Variants in LY6K observed in about 807,000 individuals in gnomAD.
LY6K encodes lymphocyte antigen 6 family member K.
In LY6K, 9 loss-of-function variants were observed where a neutral mutation model predicts 10.4. The observed-to-expected ratio is 0.87, with a 90% CI of 0.52 to 1.52. The LOEUF (loss-of-function observed/expected upper bound fraction) is 1.52, where lower values mean the gene tolerates loss of function less well. Among genes scored for constraint, LY6K ranks in the 40% most tolerant of loss-of-function variants. The pLI, the probability that LY6K is intolerant of heterozygous loss-of-function variation, is 0.00. For synonymous variants in LY6K, 98 were observed against 83.7 expected (o/e 1.17, Z -0.94); for missense variants, 217 against 211.7 (o/e 1.02, Z -0.15).
chr8:142,700,212 G>T lies in LY6K; in HGVS notation c.-316G>T. The T allele has an allele frequency of 3.0e-6, 2 of 667,842 alleles. No homozygotes were observed. The highest frequency in any genetic ancestry group is 4.0e-6 in the Non-Finnish European group (2 of 501,488). 41.4% of individuals were successfully genotyped at this position (667,842 alleles called of 1,614,324 possible). Reference sequence around the variant, plus strand: ...TGGGGTCCTCAAGGAGACGGCCCTTGGGCTCAGGGGCTGCGTTTCCACACG... The same window carrying T: ...TGGGGTCCTCAAGGAGACGGCCCTTTGGCTCAGGGGCTGCGTTTCCACACG... On this transcript the variant is annotated 5_prime_UTR_variant, in exon 1 of 3. Transcript: ENST00000292430.
Position 142,700,573 on chromosome 8 carries a change from TG to T in LY6K, c.48del (p.Trp16Ter). 6.3e-7 allele frequency: 1 copy of T among 1,585,750 alleles called. No homozygotes were observed. Among genetic ancestry groups the T allele is most frequent in the Middle Eastern group, 1.7e-4 (1 of 5,990 alleles). On this transcript the variant is annotated frameshift_variant, in exon 1 of 3. Transcript: ENST00000292430. LOFTEE classifies it high-confidence loss of function. ...LLLVVALPRV[W>X]TDANLTARQR... is the part of the protein sequence containing the mutation. ...GCTGGTCGTGGCCCTACCGCGGGTG[TG>T]GACAGACGCCAACCTGACTGCGAGA...
rs1815140438 is a variant in LY6K, at chr8:142,704,078, G to T, written c.*707G>T. ...CAGGGTAAATGGCGTTCATTTCTCTGTTAAGATGCAGCCATCCATGGGGAG... is the reference window on the plus strand; with the variant it reads ...CAGGGTAAATGGCGTTCATTTCTCTTTTAAGATGCAGCCATCCATGGGGAG... On this transcript the variant is annotated 3_prime_UTR_variant, in exon 3 of 3. Coordinates refer to ENST00000292430, the MANE Select transcript of LY6K (RefSeq NM_017527.4). 1 of 152,206 alleles carries T rather than the reference G, an allele frequency of 6.6e-6. No homozygotes were observed. Among genetic ancestry groups the T allele is most frequent in the Non-Finnish European group, 1.5e-5 (1 of 68,034 alleles). The allele number at this position is 152,206 out of a possible 1,614,324, so 9.4% of individuals were successfully genotyped here.
chr8:142,702,450 T>C, intron 2 of LY6K: 2 of 1,527,040 alleles, frequency 1.3e-6, no homozygotes, highest in Non-Finnish European at 1.8e-6. Context: ...TCTGGGTACA[T>C]GAAGCCCTCC....
At position 142,705,033 on chromosome 8, in the gene LY6K, G is replaced by C. The variant is rs1463528508; in HGVS notation, c.*1662G>C. Reference sequence around the variant, plus strand: ...AATTAGGGCACAAACAAGATGAATTGTTTCCTCACAGACTGATGTGGCTGG... The same window carrying C: ...AATTAGGGCACAAACAAGATGAATTCTTTCCTCACAGACTGATGTGGCTGG... On this transcript the variant is annotated 3_prime_UTR_variant, in exon 3 of 3. Transcript: ENST00000292430. The C allele has an allele frequency of 8.5e-5, 13 of 152,222 alleles. No individual in the cohort carries two copies. The highest frequency in any genetic ancestry group is 3.1e-4 in the African/African-American group (13 of 41,450). 9.4% of individuals were successfully genotyped at this position (152,222 alleles called of 1,614,324 possible). A position where few individuals can be genotyped will look rare whatever the true frequency, so the allele number is the denominator to read the frequency against.
chr8:142,701,304 G>A (rs1815022359), intron 1 of LY6K, among the ~76,000 whole-genome samples: 3 of 152,210 alleles, frequency 2.0e-5, no homozygotes, highest in Admixed American at 1.3e-4. Flanking sequence ...AAGAGAGGTG[G>A]AATTGGCTCA....
In LY6K at chr8:142,700,262, C is replaced by T; in HGVS notation, c.-266C>T. ...GCGCCTTTCCCAGGGCTCCCGCGCCCGTTCCTGCCTGGCCGCCGGCCGCTC... is the reference window on the plus strand; with the variant it reads ...GCGCCTTTCCCAGGGCTCCCGCGCCTGTTCCTGCCTGGCCGCCGGCCGCTC... On this transcript the variant is annotated 5_prime_UTR_variant, in exon 1 of 3. Coordinates refer to ENST00000292430, the MANE Select transcript of LY6K (RefSeq NM_017527.4). 10 of 1,129,348 alleles carry T rather than the reference C, an allele frequency of 8.9e-6. No individual in the cohort carries two copies. The highest frequency in any genetic ancestry group is 3.5e-4 in the Middle Eastern group (1 of 2,832). The allele number at this position is 1,129,348 out of a possible 1,614,324, so 70.0% of individuals were successfully genotyped here.
chr8:142,703,299 G>A lies in LY6K; in HGVS notation c.426G>A (p.Glu142=). ...AAGAATATGCTGGGAGCATGGGTGA[G>A]AGCTGTGGTGGGCTGTGGCTGGCCA... The part of the protein sequence containing the change: ...VFKEYAGSMG[E]SCGGLWLAIL... The change falls in exon 3 of 3, where the codon GAG becomes GAA. Residue 142 remains glutamate (E), a synonymous_variant. Transcript: ENST00000292430. The A allele has an allele frequency of 6.2e-7, 1 of 1,613,870 alleles. No homozygotes were observed. Among genetic ancestry groups the A allele is most frequent in the Non-Finnish European group, 8.5e-7 (1 of 1,180,034 alleles).
At chr8:142,702,659 G>A (rs1040722728) in intron 2 of LY6K, 6 of 1,521,248 alleles carry the variant, frequency 3.9e-6, no homozygotes, top group Admixed American at 3.9e-5. Context: ...GTACAGTGAT[G>A]TATAAGATGA....
Position 142,701,646 on chromosome 8 carries a change from C to G in LY6K, c.150C>G (p.Asn50Lys). 1 of 1,614,006 alleles carries G rather than the reference C, an allele frequency of 6.2e-7. No homozygotes were observed. The highest frequency in any genetic ancestry group is 2.2e-5 in the East Asian group (1 of 44,870). The change falls in exon 2 of 3, where the codon AAC (asparagine) becomes AAG (lysine). Residue 50 changes from asparagine (N) to lysine (K), a missense_variant. Coordinates refer to ENST00000292430, the MANE Select transcript of LY6K (RefSeq NM_017527.4). ...RVWCHVCERENTFECQNPRRC... is the reference protein window; with the variant it reads ...RVWCHVCEREKTFECQNPRRC... ...GGTGTCATGTTTGTGAGAGAGAAAA[C>G]ACTTTCGAGTGCCAGAACCCAAGGA...
intron 2 of LY6K, chr8:142,702,444 G>A: frequency 6.6e-7 from 1 of 1,516,388 alleles, no homozygotes; most frequent in South Asian, 1.2e-5. Flanking sequence ...AAAACCTCTG[G>A]GTACATGAAG....
chr8:142,702,671 G>A (rs782794281), intron 2 of LY6K: 4 of 1,516,772 alleles, frequency 2.6e-6, no homozygotes, highest in Non-Finnish European at 3.5e-6. Flanking sequence ...ATAAGATGAA[G>A]TGTGGTCATG....
At chr8:142,702,138 A>G (rs1815065014) in intron 2 of LY6K, 1 of 312,696 alleles carries the variant, frequency 3.2e-6, no homozygotes, top group Non-Finnish European at 5.9e-6. Context: ...TGAAGAGCAA[A>G]GTCCTCAGAG....
In LY6K at chr8:142,704,164, G is replaced by A. The variant is rs923254832; in HGVS notation, c.*793G>A. On this transcript the variant is annotated 3_prime_UTR_variant, in exon 3 of 3. Transcript: ENST00000292430. ...ATACAAGGGGACTTCAAAAGTTCAC[G>A]AAAAAATTGAATTAAAAGATAAAAA... is the stretch of plus-strand genomic sequence containing the variant. The A allele has an allele frequency of 6.6e-6, 1 of 152,176 alleles. No homozygotes were observed. The highest frequency in any genetic ancestry group is 2.1e-4 in the South Asian group (1 of 4,812). 9.4% of individuals were successfully genotyped at this position (152,176 alleles called of 1,614,324 possible). A position where few individuals can be genotyped will look rare whatever the true frequency, so the allele number is the denominator to read the frequency against.
Position 142,703,138 on chromosome 8 carries a change from T to G in LY6K, c.265T>G (p.Cys89Gly), listed in dbSNP as rs782187416. 6.2e-7 allele frequency: 1 copy of G among 1,614,146 alleles called. No individual in the cohort carries two copies. The highest frequency in any genetic ancestry group is 8.5e-7 in the Non-Finnish European group (1 of 1,180,052). ...FMVAKQCSAG[C>G]AAMERPKPEE... ...GGTTGCGAAGCAGTGCTCCGCTGGTTGTGCAGCGATGGAGAGACCCAAGCC... is the reference window on the plus strand; with the variant it reads ...GGTTGCGAAGCAGTGCTCCGCTGGTGGTGCAGCGATGGAGAGACCCAAGCC... Residue 89 changes from cysteine (C) to glycine (G), a missense_variant, in exon 3 of 3, where the codon TGT becomes GGT. Transcript: ENST00000292430.
chr8:142,701,491 G>T, intron 1 of LY6K, 109 bp from the exon 2 acceptor site: 2 of 714,776 alleles, frequency 2.8e-6, no homozygotes, highest in Non-Finnish European at 2.5e-6. Flanking sequence ...TGCTCAGGGG[G>T]AGAAGGATGG....
In LY6K at chr8:142,702,334, G is replaced by T. The variant is rs1334808932; in HGVS notation, c.217+621G>T. ...TGTCTATGTCACTCTTACAAGAGAT[G>T]CACAAAACCAAGGTGTACAGCCTTC... On this transcript the variant is annotated intron_variant, in intron 2 of 2. Transcript: ENST00000292430. 6.4e-6 allele frequency: 4 copies of T among 620,580 alleles called. No homozygotes were observed. In the Admixed American group the frequency reaches 7.9e-5, roughly 12 times the overall value. 38.4% of individuals were successfully genotyped at this position (620,580 alleles called of 1,614,324 possible). A position where few individuals can be genotyped will look rare whatever the true frequency, so the allele number is the denominator to read the frequency against.
At position 142,700,256 on chromosome 8, in the gene LY6K, C is replaced by A; in HGVS notation, c.-272C>A. Reference sequence around the variant, plus strand: ...CCACACGCGCCTTTCCCAGGGCTCCCGCGCCCGTTCCTGCCTGGCCGCCGG... The same window carrying A: ...CCACACGCGCCTTTCCCAGGGCTCCAGCGCCCGTTCCTGCCTGGCCGCCGG... On this transcript the variant is annotated 5_prime_UTR_variant, in exon 1 of 3. Coordinates refer to ENST00000292430, the MANE Select transcript of LY6K (RefSeq NM_017527.4). 3 of 1,080,202 alleles carry A rather than the reference C, an allele frequency of 2.8e-6. No individual in the cohort carries two copies. Among genetic ancestry groups the A allele is most frequent in the Non-Finnish European group, 3.5e-6 (3 of 859,988 alleles). The allele number at this position is 1,080,202 out of a possible 1,614,324, so 66.9% of individuals were successfully genotyped here.
In LY6K at chr8:142,700,413, G is replaced by C. The variant is rs781915442; in HGVS notation, c.-115G>C. On this transcript the variant is annotated 5_prime_UTR_variant, in exon 1 of 3. Transcript: ENST00000292430. The stretch of plus-strand genomic sequence containing the variant: ...GTGGGAGGCGCGCGCCCCGGGGCGG[G>C]CGGGGCTCCCCCTACCGGCCAGACC... The C allele has an allele frequency of 2.2e-6, 3 of 1,359,668 alleles. No individual in the cohort carries two copies. The highest frequency in any genetic ancestry group is 2.8e-6 in the Non-Finnish European group (3 of 1,058,252). The allele number at this position is 1,359,668 out of a possible 1,614,324, so 84.2% of individuals were successfully genotyped here.
Position 142,704,739 on chromosome 8 carries a change from T to G in LY6K, c.*1368T>G, listed in dbSNP as rs1307426753. ...CTCTAGGTAGTCATTGCTTTGCTTG[T>G]GCTTTGCCTTCAGGAGTGTACTGGT... On this transcript the variant is annotated 3_prime_UTR_variant, in exon 3 of 3. Coordinates refer to ENST00000292430, the MANE Select transcript of LY6K (RefSeq NM_017527.4). The G allele has an allele frequency of 2.6e-5, 4 of 152,244 alleles. No individual in the cohort carries two copies. Among genetic ancestry groups the G allele is most frequent in the Non-Finnish European group, 5.9e-5 (4 of 68,042 alleles). The allele number at this position is 152,244 out of a possible 1,614,324, so 9.4% of individuals were successfully genotyped here.
Sources: gnomAD v4.1 joint callset for allele counts (sites outside exome capture counted in the v4.1 genomes callset) on GRCh38, gnomAD v4.1.1 for gene constraint, MANE v1.5 for transcripts, NCBI Gene and HGNC (gene_info 2026-07-23, HGNC 2026-07-21) for gene names.